The following ROS1 variants were observed in gnomAD, a reference collection of about 807,000 sequenced individuals.
ROS1 encodes the protein proto-oncogene tyrosine-protein kinase ROS.
ROS1 carries 263 observed loss-of-function variants against 273.5 expected under a neutral mutation model. That is an observed-to-expected ratio of 0.96 (90% confidence interval 0.87 to 1.06). The LOEUF (loss-of-function observed/expected upper bound fraction) is 1.06. Ranked by LOEUF, ROS1 falls within the 50% of genes least tolerant of loss-of-function variation. ROS1 has a pLI of 0.00. For synonymous variants in ROS1, 1,008 were observed against 954.1 expected, an observed-to-expected ratio of 1.06 and a Z score of -1.04; for missense variants, 2,833 against 2,751.1, an observed-to-expected ratio of 1.03 and a Z score of -0.67.
chr6:117,335,023 G>A (rs552797838), intron 32 of ROS1, among the ~76,000 whole-genome samples: 15 of 152,272 alleles, frequency 9.9e-5, no homozygotes, highest in Admixed American at 2.6e-4. Context: ...CTTCTGTACA[G>A]CAAAAGAAAC....
rs373748400 is a variant in ROS1 at position 117,288,472 on chromosome 6, C to T, written c.*20G>A. 12 of 1,587,168 alleles carry T rather than the reference C, an allele frequency of 7.6e-6. No individual in the cohort carries two copies. ...GAATGAGAGTGTTTATCTCAACTCT[C>T]TATTTCCCAAACAACGCTATTAATC... On this transcript the variant is annotated 3_prime_UTR_variant, in exon 44 of 44. Transcript: ENST00000368507.
In ROS1 at chr6:117,366,077, T is replaced by C. The variant is rs544918243; in HGVS notation, c.2796A>G (p.Pro932=). Reference sequence around the variant, plus strand: ...GTAAGCAGGAATGAAATACTGTACCTGGCAGGGGCTTAAGGGATGTCTGAA... The same window carrying C: ...GTAAGCAGGAATGAAATACTGTACCCGGCAGGGGCTTAAGGGATGTCTGAA... ...TIIQTSLKPL[P]GNFSFTPKVI... Residue 932 remains proline, a splice_region_variant and synonymous_variant, in exon 19 of 44, where the codon CCA becomes CCG. Transcript: ENST00000368507. 3 of 1,610,516 alleles carry C rather than the reference T, an allele frequency of 1.9e-6. No homozygotes were observed. In the Admixed American group the frequency reaches 5.0e-5, roughly 27 times the overall value.
chr6:117,424,886 A>AGAGT (rs1385569883), intron 1 of ROS1, among the ~76,000 whole-genome samples: 12 of 152,184 alleles, frequency 7.9e-5, no homozygotes, highest in Non-Finnish European at 1.5e-4. Flanking sequence ...CTCTGTCTAT[A>AGAGT]GAGTACTTGG....
At chr6:117,305,775 G>T (rs946227899) in intron 42 of ROS1, among the ~76,000 whole-genome samples, 4 of 152,098 alleles carry the variant, frequency 2.6e-5, no homozygotes, top group African/African-American at 9.7e-5. Flanking sequence ...TGGCATGGAG[G>T]ATCTTCCCTT....
At chr6:117,423,033 A>T (rs571619033) in intron 1 of ROS1, among the ~76,000 whole-genome samples, 3 of 152,120 alleles carry the variant, frequency 2.0e-5, no homozygotes, top group Non-Finnish European at 4.4e-5. Context: ...TTCAAAAAAA[A>T]AAGGGGGTTT....
In ROS1 at chr6:117,318,255, A is replaced by C; in HGVS notation, c.5923-3T>G. The C allele has an allele frequency of 6.2e-7, 1 of 1,611,114 alleles. No individual in the cohort carries two copies. Among genetic ancestry groups the C allele is most frequent in the Non-Finnish European group, 8.5e-7 (1 of 1,177,720 alleles). The stretch of plus-strand genomic sequence containing the variant: ...TCTGTGGAACCCTTCTTCAAAGTCT[A>C]TACAACATAAAAACAAGTCAGGAAT... On this transcript the variant is annotated splice_region_variant and splice_polypyrimidine_tract_variant and intron_variant, in intron 37 of 43. Transcript: ENST00000368507.
chr6:117,403,217 G>A lies in ROS1; in HGVS notation c.526C>T (p.Arg176Ter), dbSNP rs769105985. 2.5e-5 allele frequency: 40 copies of A among 1,612,040 alleles called. No homozygotes were observed. In the Middle Eastern group the frequency reaches 5.0e-4, roughly 20 times the overall value. Reference protein sequence around the residue: ...PLHPFTEYIFRVVWIFTAQLQ... With the variant: ...PLHPFTEYIF ...TGCGCTGTGAAGATCCAAACCACTC[G>A]GAAAATGTACTCAGTGAAGGGGTGC... The change falls in exon 7 of 44, where the codon CGA becomes TGA. Residue 176 changes from arginine to a stop codon, truncating the protein, a stop_gained. Coordinates refer to ENST00000368507, the MANE Select transcript of ROS1 (RefSeq NM_001378902.1). LOFTEE classifies it high-confidence loss of function.
rs146014237 is a variant in ROS1, at chr6:117,378,845, C to T, written c.2582+214G>A. On this transcript the variant is annotated intron_variant, in intron 18 of 43. Transcript: ENST00000368507. Reference sequence around the variant, plus strand: ...TCTTAAGCAGCATTCTCCTGAGTGTCTATACTGTACTCTCTTCATACCCCA... The same window carrying T: ...TCTTAAGCAGCATTCTCCTGAGTGTTTATACTGTACTCTCTTCATACCCCA... Among the ~76,000 whole-genome samples the T allele has an allele frequency of 1.1e-3, 169 of 152,282 alleles. 1 individual carries two copies. The highest frequency in any genetic ancestry group is 3.9e-3 in the African/African-American group (161 of 41,584).
In ROS1 at chr6:117,380,199, C is replaced by T. The variant is rs369363680; in HGVS notation, c.2482-1040G>A. Among the ~76,000 whole-genome samples, 5 of 152,212 alleles carry T rather than the reference C, an allele frequency of 3.3e-5. No individual in the cohort carries two copies. In the South Asian group the frequency reaches 1.0e-3, roughly 32 times the overall value. The stretch of plus-strand genomic sequence containing the variant: ...CCAATAGAATTAAAGTTGACGACTA[C>T]ATCTTCAGCAAGATACAGCAGCATT... On this transcript the variant is annotated intron_variant, in intron 17 of 43. Coordinates refer to ENST00000368507, the MANE Select transcript of ROS1 (RefSeq NM_001378902.1).
Position 117,311,090 on chromosome 6 carries a change from C to T in ROS1, c.6145G>A (p.Asp2049Asn), listed in dbSNP as rs1775510174. 6.2e-7 allele frequency: 1 copy of T among 1,609,318 alleles called. No homozygotes were observed. The highest frequency in any genetic ancestry group is 8.5e-7 in the Non-Finnish European group (1 of 1,177,922). The change falls in exon 40 of 44, where the codon GAC becomes AAC. Residue 2049 changes from aspartate (D) to asparagine (N), a missense_variant. Physicochemically the swap from Asp to Asn is conservative, Grantham distance 23 (BLOSUM62 1). Transcript: ENST00000368507. ...TFYGPLLTLVDLVDLCVDISK... is the reference protein window; with the variant it reads ...TFYGPLLTLVNLVDLCVDISK... ...ATATCTACACACAGGTCTACAAGGT[C>T]AACCAAGGTGAGTAAAGGACCATAA...
chr6:117,401,404 C>T (rs1357318565), intron 7 of ROS1, among the ~76,000 whole-genome samples: 2 of 152,284 alleles, frequency 1.3e-5, no homozygotes, highest in South Asian at 2.1e-4. Flanking sequence ...TGGCCCTGTG[C>T]GACCAAGTCT....
At position 117,306,862 on chromosome 6, in the gene ROS1, G is replaced by A. The variant is rs909090687; in HGVS notation, c.6551+1932C>T. Among the ~76,000 whole-genome samples the A allele has an allele frequency of 1.9e-4, 29 of 152,208 alleles. 1 individual carries two copies. In the South Asian group the frequency reaches 2.3e-3, roughly 12 times the overall value. On this transcript the variant is annotated intron_variant, in intron 42 of 43. Coordinates refer to ENST00000368507, the MANE Select transcript of ROS1 (RefSeq NM_001378902.1). ...CCAGCTTGTTTTCCTGGTTGGCAAC[G>A]GATCTTTAACCCTTCCCAGGGCTTG... is the stretch of plus-strand genomic sequence containing the variant.
intron 28 of ROS1, among the ~76,000 whole-genome samples, chr6:117,343,392 A>G (rs1323861715): frequency 6.6e-6 from 1 of 152,196 alleles, no homozygotes; most frequent in Non-Finnish European, 1.5e-5. Context: ...AAATAAAGCC[A>G]AGCACAAAGC....
chr6:117,345,390 T>A (rs2128627848), intron 27 of ROS1, among the ~76,000 whole-genome samples: 1 of 152,350 alleles, frequency 6.6e-6, no homozygotes, highest in East Asian at 1.9e-4. Flanking sequence ...CGTGTTCTTC[T>A]ACCAGTGCAC....
chr6:117,310,807 G>T (rs1775485819), intron 40 of ROS1, among the ~76,000 whole-genome samples: 1 of 152,080 alleles, frequency 6.6e-6, no homozygotes, highest in African/African-American at 2.4e-5. Context: ...ATTTGCGTTG[G>T]TTCCAAGTCT....
intron 9 of ROS1, among the ~76,000 whole-genome samples, chr6:117,395,402 C>G (rs1773411227): frequency 6.6e-6 from 1 of 152,060 alleles, no homozygotes; most frequent in South Asian, 2.1e-4. Flanking sequence ...CTAGGAACAG[C>G]CAAAAAAACA....
intron 43 of ROS1, among the ~76,000 whole-genome samples, chr6:117,294,805 T>A (rs1464183886): frequency 1.3e-5 from 2 of 152,004 alleles, no homozygotes; most frequent in Admixed American, 6.6e-5. Flanking sequence ...TGAAAGAAAT[T>A]GTAGGAGGCA....
intron 5 of ROS1, among the ~76,000 whole-genome samples, chr6:117,409,306 G>A (rs1774705753): frequency 6.6e-6 from 1 of 152,244 alleles, no homozygotes; most frequent in African/African-American, 2.4e-5. Flanking sequence ...GTCATTAAGA[G>A]AGAAGTGAGT....
At chr6:117,403,547 A>G (rs1003794459) in intron 6 of ROS1, among the ~76,000 whole-genome samples, 2 of 151,702 alleles carry the variant, frequency 1.3e-5, no homozygotes, top group African/African-American at 2.4e-5. Context: ...GTATCTTGGG[A>G]CTATTTTTTT....
Sources: gnomAD v4.1 joint callset for allele counts (sites outside exome capture counted in the v4.1 genomes callset) on GRCh38, gnomAD v4.1.1 for gene constraint, MANE v1.5 for transcripts, NCBI Gene and HGNC (gene_info 2026-07-23, HGNC 2026-07-21) for gene names.